Variants in SNTA1 observed in about 807,000 individuals in gnomAD.
The protein encoded by SNTA1 is alpha-1-syntrophin.
Under a neutral mutation model 47.1 loss-of-function variants are expected in SNTA1, and 31 were observed. The ratio of observed to expected loss-of-function variants is 0.66; its 90% CI spans 0.49 to 0.89. The LOEUF is 0.89. Ranked by LOEUF, SNTA1 falls within the 40% of genes least tolerant of loss-of-function variation. The pLI is 0.00. For synonymous variants in SNTA1, 300 were observed against 313.6 expected, an observed-to-expected ratio of 0.96 and a Z score of 0.46; for missense variants, 575 against 693.0, an observed-to-expected ratio of 0.83 and a Z score of 1.91.
At chr20:33,422,315 T>C (rs1005159177) in intron 2 of SNTA1, among the ~76,000 whole-genome samples, 7 of 151,896 alleles carry the variant, frequency 4.6e-5, no homozygotes, top group African/African-American at 1.7e-4. Flanking sequence ...GGCGTGCACC[T>C]ATAGTCCCAG....
intron 1 of SNTA1, among the ~76,000 whole-genome samples, chr20:33,441,321 T>C (rs958751076): frequency 3.3e-5 from 5 of 152,136 alleles, no homozygotes; most frequent in Non-Finnish European, 7.4e-5. Flanking sequence ...CTATTAGCCC[T>C]ACCACAGACG....
At chr20:33,427,062 CAAAAAAA>C (rs914615779) in intron 2 of SNTA1, among the ~76,000 whole-genome samples, 9 of 61,102 alleles carry the variant, frequency 1.5e-4, no homozygotes, top group Non-Finnish European at 2.9e-4. Flanking sequence ...AACCCTGTCT[CAAAAAAA>C]AAAAAAAAAA....
At position 33,410,343 on chromosome 20, in the gene SNTA1, G is replaced by T; in HGVS notation, c.1041-12C>A. 1 of 1,571,250 alleles carries T rather than the reference G, an allele frequency of 6.4e-7. No individual in the cohort carries two copies. The highest frequency in any genetic ancestry group is 8.7e-7 in the Non-Finnish European group (1 of 1,150,346). On this transcript the variant is annotated splice_polypyrimidine_tract_variant and intron_variant, in intron 5 of 7. Transcript: ENST00000217381. ...CTGAGTGCACCAGTCTGGGGGTTGGGGGCAGAGGGCTGAGCATGAGGCCTC... is the reference window on the plus strand; with the variant it reads ...CTGAGTGCACCAGTCTGGGGGTTGGTGGCAGAGGGCTGAGCATGAGGCCTC...
At chr20:33,421,370 G>C (rs948379518) in intron 2 of SNTA1, among the ~76,000 whole-genome samples, 4 of 152,068 alleles carry the variant, frequency 2.6e-5, no homozygotes, top group Admixed American at 2.6e-4. Context: ...CCAGCACTTT[G>C]GGAGGCTGAG....
chr20:33,440,952 G>A (rs1050463390), intron 1 of SNTA1, among the ~76,000 whole-genome samples: 1 of 152,226 alleles, frequency 6.6e-6, no homozygotes, highest in African/African-American at 2.4e-5. Context: ...CAAAGTCCAG[G>A]CTGGAAACCA....
intron 2 of SNTA1, 64 bp downstream of exon 2, chr20:33,438,777 G>C: frequency 7.4e-7 from 1 of 1,356,222 alleles, no homozygotes; most frequent in Non-Finnish European, 1.1e-6. Context: ...AGGCCTGGGG[G>C]AGGTAGAGAA....
At chr20:33,441,507 A>T (rs986003439) in intron 1 of SNTA1, among the ~76,000 whole-genome samples, 1 of 152,134 alleles carries the variant, frequency 6.6e-6, no homozygotes, top group Non-Finnish European at 1.5e-5. Context: ...GCTTATCTGC[A>T]CAGAGCTTGA....
chr20:33,440,325 G>T (rs558044613), intron 1 of SNTA1, among the ~76,000 whole-genome samples: 16 of 151,984 alleles, frequency 1.1e-4, no homozygotes, highest in African/African-American at 3.9e-4. Context: ...GCATGGGGGC[G>T]CATGCCTGTA....
At chr20:33,415,152 CAT>C (rs554493146) in intron 3 of SNTA1, among the ~76,000 whole-genome samples, 213 of 152,262 alleles carry the variant, frequency 1.4e-3, no homozygotes, top group Non-Finnish European at 2.2e-3. Context: ...ATACAAATAA[CAT>C]ATAAACAAAC....
Position 33,443,400 on chromosome 20 carries a change from G to GGCCCGGC in SNTA1, c.214_220dup (p.Pro74ArgfsTer53). On this transcript the variant is annotated frameshift_variant, in exon 1 of 8. Transcript: ENST00000217381. LOFTEE classifies it high-confidence loss of function. Reference sequence around the variant, plus strand: ...CAGTAGCGCCTCTGGCAGCTGCGGGGGCCCGGCGCCCGGCTCCGCGGCGCC... The same window carrying GGCCCGGC: ...CAGTAGCGCCTCTGGCAGCTGCGGGGGCCCGGCGCCCGGCGCCCGGCTCCGCGGCGCC... 2.2e-6 allele frequency: 3 copies of GGCCCGGC among 1,359,312 alleles called. No individual in the cohort carries two copies. The highest frequency in any genetic ancestry group is 3.2e-5 in the East Asian group (1 of 31,718). 84.2% of individuals were successfully genotyped at this position (1,359,312 alleles called of 1,614,324 possible). A position where few individuals can be genotyped will look rare whatever the true frequency, so the allele number is the denominator to read the frequency against.
intron 3 of SNTA1, among the ~76,000 whole-genome samples, chr20:33,416,002 G>C (rs1989864623): frequency 2.0e-5 from 3 of 152,104 alleles, no homozygotes; most frequent in African/African-American, 7.2e-5. Context: ...CAGCTACTCA[G>C]AAGTCTGAGG....
Position 33,410,241 on chromosome 20 carries a change from G to A in SNTA1, c.1131C>T (p.Asp377=). The A allele has an allele frequency of 6.2e-7, 1 of 1,613,694 alleles. No homozygotes were observed. The change falls in exon 6 of 8, where the codon GAC becomes GAT. Residue 377 remains aspartate, a synonymous_variant. Coordinates refer to ENST00000217381, the MANE Select transcript of SNTA1 (RefSeq NM_003098.3). ...GTGACTCCACGCTGAACAGGTGAGT[G>A]TCCACACCGTGACGCGTGCCCGTGC... ...ALRTGTRHGV[D]THLFSVESPQ... is the part of the protein sequence containing the mutation.
At chr20:33,443,255 C>A (rs1990623123) in intron 1 of SNTA1, 56 bp downstream of exon 1, 6 of 1,369,776 alleles carry the variant, frequency 4.4e-6, no homozygotes, top group Non-Finnish European at 3.9e-6. Context: ...CAGCCCCCTG[C>A]GCCCTCGGCT....
At position 33,443,708 on chromosome 20, in the gene SNTA1, C is replaced by T. The variant is rs1236476937; in HGVS notation, c.-88G>A. Reference sequence around the variant, plus strand: ...ACCAAGCGCCCAGGGCAGAGGGCAGCGGGGGCCCGGCTGGGCCAGCCGCCA... The same window carrying T: ...ACCAAGCGCCCAGGGCAGAGGGCAGTGGGGGCCCGGCTGGGCCAGCCGCCA... On this transcript the variant is annotated 5_prime_UTR_variant, in exon 1 of 8. Transcript: ENST00000217381. 6 of 862,936 alleles carry T rather than the reference C, an allele frequency of 7.0e-6. No homozygotes were observed. In the African/African-American group the frequency reaches 1.1e-4, roughly 16 times the overall value. The allele number at this position is 862,936 out of a possible 1,614,324, so 53.5% of individuals were successfully genotyped here.
chr20:33,427,450 C>A (rs549229096), intron 2 of SNTA1, among the ~76,000 whole-genome samples: 3 of 152,242 alleles, frequency 2.0e-5, no homozygotes, highest in Admixed American at 6.5e-5. Context: ...AAGGGATGAC[C>A]TTTAAGGTCT....
At chr20:33,433,751 G>T (rs1990367770) in intron 2 of SNTA1, among the ~76,000 whole-genome samples, 2 of 152,166 alleles carry the variant, frequency 1.3e-5, no homozygotes, top group Non-Finnish European at 2.9e-5. Context: ...CGAAGCAGCG[G>T]ACAGACACTT....
chr20:33,426,401 G>T (rs1170374871), intron 2 of SNTA1, among the ~76,000 whole-genome samples: 1 of 144,352 alleles, frequency 6.9e-6, no homozygotes, highest in Non-Finnish European at 1.5e-5. Flanking sequence ...CAGTGAGCCA[G>T]GATCGCCCCA....
chr20:33,425,954 T>C (rs1990159823), intron 2 of SNTA1, among the ~76,000 whole-genome samples: 2 of 150,826 alleles, frequency 1.3e-5, no homozygotes, highest in Admixed American at 1.3e-4. Context: ...TACATGCCTA[T>C]AATCCCAGCT....
At chr20:33,442,095 C>CT (rs1274485109) in intron 1 of SNTA1, among the ~76,000 whole-genome samples, 3 of 152,176 alleles carry the variant, frequency 2.0e-5, no homozygotes, top group African/African-American at 7.2e-5. Flanking sequence ...ATCATTTTAA[C>CT]TTTCTGAGTC....
Sources: gnomAD v4.1 joint callset for allele counts (sites outside exome capture counted in the v4.1 genomes callset) on GRCh38, gnomAD v4.1.1 for gene constraint, MANE v1.5 for transcripts, NCBI Gene and HGNC (gene_info 2026-07-23, HGNC 2026-07-21) for gene names.